The following CSNK1G1 variants were observed in gnomAD, a reference collection of about 807,000 sequenced individuals.
CSNK1G1 encodes the protein casein kinase I isoform gamma-1.
Under a neutral mutation model 59.6 loss-of-function variants are expected in CSNK1G1, and 22 were observed. That is an observed-to-expected ratio of 0.37 (90% CI 0.26 to 0.53). The LOEUF (loss-of-function observed/expected upper bound fraction) is 0.53, where lower values mean the gene tolerates loss of function less well. Ranked by LOEUF, CSNK1G1 falls within the 20% of genes least tolerant of loss-of-function variation. The pLI is 0.89. For synonymous variants in CSNK1G1, 179 were observed against 177.1 expected, an observed-to-expected ratio of 1.01 and a Z score of -0.08; for missense variants, 384 against 519.5, an observed-to-expected ratio of 0.74 and a Z score of 2.54.
intron 1 of CSNK1G1, among the ~76,000 whole-genome samples, chr15:64,305,646 G>A (rs1331477457): frequency 4.0e-5 from 6 of 149,306 alleles, no homozygotes; most frequent in African/African-American, 1.5e-4. Context: ...TTGAGCCCAG[G>A]AGTTCAAGGT....
chr15:64,293,302 T>C (rs1265750912), intron 2 of CSNK1G1, among the ~76,000 whole-genome samples: 1 of 152,128 alleles, frequency 6.6e-6, no homozygotes, highest in African/African-American at 2.4e-5. Context: ...CCATTGAAAA[T>C]GAGCAAAGGC....
intron 4 of CSNK1G1, among the ~76,000 whole-genome samples, chr15:64,219,654 C>T (rs576891569): frequency 5.1e-4 from 78 of 152,028 alleles, no homozygotes; most frequent in Admixed American, 3.1e-3. Flanking sequence ...GAGATGAGCT[C>T]CCACTATGTT....
intron 2 of CSNK1G1, among the ~76,000 whole-genome samples, chr15:64,282,279 T>G (rs1894184963): frequency 6.6e-6 from 1 of 152,046 alleles, no homozygotes; most frequent in African/African-American, 2.4e-5. Flanking sequence ...TATTTTTTAT[T>G]TTTTTGAGAC....
rs150360354 is a variant in CSNK1G1 at position 64,309,507 on chromosome 15, C to A, written c.-224-8784G>T. Among the ~76,000 whole-genome samples, 703 of 152,106 alleles carry A rather than the reference C, an allele frequency of 4.6e-3. 7 individuals carry two copies. Among genetic ancestry groups the A allele is most frequent in the African/African-American group, 0.015 (624 of 41,492 alleles). ...ATGACTATAGTACCTGTCACAAGTA[C>A]CCTGCAAATAAAATGGTGAATGTGA... On this transcript the variant is annotated intron_variant, in intron 1 of 11. Transcript: ENST00000303052.
At chr15:64,245,593 C>G (rs1891707529) in intron 4 of CSNK1G1, among the ~76,000 whole-genome samples, 1 of 151,876 alleles carries the variant, frequency 6.6e-6, no homozygotes, top group African/African-American at 2.4e-5. Flanking sequence ...AAATGTGGTA[C>G]ATATACACAC....
At chr15:64,278,231 G>A (rs1166521852) in intron 2 of CSNK1G1, among the ~76,000 whole-genome samples, 1 of 150,972 alleles carries the variant, frequency 6.6e-6, no homozygotes, top group African/African-American at 2.4e-5. Context: ...ATTTTTAGTA[G>A]AGACAGGGTT....
Position 64,171,792 on chromosome 15 carries a change from G to C in CSNK1G1, c.*139C>G. On this transcript the variant is annotated 3_prime_UTR_variant, in exon 12 of 12. Coordinates refer to ENST00000303052, the MANE Select transcript of CSNK1G1 (RefSeq NM_022048.5). The surrounding 1 kb of genome is among the most constrained non-coding windows in gnomAD (Gnocchi z 4.8). ...CTGGCTGCCCGCACTGGCCCCTTCT[G>C]GGGGCATCTGTTTTCTTCTTTTTGG... 2.6e-6 allele frequency: 2 copies of C among 776,824 alleles called. No individual in the cohort carries two copies. The highest frequency in any genetic ancestry group is 4.4e-6 in the Non-Finnish European group (2 of 450,344). The allele number at this position is 776,824 out of a possible 1,614,324, so 48.1% of individuals were successfully genotyped here.
chr15:64,223,010 G>A (rs1292412093), intron 4 of CSNK1G1, among the ~76,000 whole-genome samples: 2 of 152,088 alleles, frequency 1.3e-5, no homozygotes, highest in African/African-American at 4.8e-5. Flanking sequence ...ATATACCTTT[G>A]AGCATAAAAG....
At chr15:64,198,197 T>C in intron 10 of CSNK1G1, among the ~76,000 whole-genome samples, 1 of 145,292 alleles carries the variant, frequency 6.9e-6, no homozygotes, top group Non-Finnish European at 1.5e-5. Context: ...ATATACTTTT[T>C]TTTTTTTTTT....
intron 1 of CSNK1G1, among the ~76,000 whole-genome samples, chr15:64,308,791 G>T (rs1039713786): frequency 6.6e-6 from 1 of 151,994 alleles, no homozygotes; most frequent in African/African-American, 2.4e-5. Context: ...CAGCTACTCG[G>T]GAAGCTGAGG....
chr15:64,234,749 G>C (rs1337726175), intron 4 of CSNK1G1, among the ~76,000 whole-genome samples: 1 of 152,026 alleles, frequency 6.6e-6, no homozygotes, highest in Non-Finnish European at 1.5e-5. Context: ...TTTTCTCCCA[G>C]CTCTTAAACC....
chr15:64,348,172 G>A (rs1308574225), intron 1 of CSNK1G1, among the ~76,000 whole-genome samples: 1 of 152,276 alleles, frequency 6.6e-6, no homozygotes, highest in Admixed American at 6.5e-5. Context: ...TCAGGCAGGA[G>A]AGGAGGGATG....
At chr15:64,235,157 T>C (rs1033192437) in intron 4 of CSNK1G1, among the ~76,000 whole-genome samples, 1 of 152,140 alleles carries the variant, frequency 6.6e-6, no homozygotes, top group Non-Finnish European at 1.5e-5. Flanking sequence ...ATCCAAGTGT[T>C]TTGTTCTAAT....
intron 7 of CSNK1G1, among the ~76,000 whole-genome samples, chr15:64,205,814 T>C (rs2082171274): frequency 6.6e-6 from 1 of 152,142 alleles, no homozygotes; most frequent in Admixed American, 6.5e-5. Context: ...AAGATGTATA[T>C]GACAGGAGAG....
At position 64,188,518 on chromosome 15, in the gene CSNK1G1, T is replaced by C. The variant is rs1461269835; in HGVS notation, c.1108-8064A>G. On this transcript the variant is annotated intron_variant, in intron 10 of 11. Coordinates refer to ENST00000303052, the MANE Select transcript of CSNK1G1 (RefSeq NM_022048.5). The surrounding 1 kb of genome is among the most constrained non-coding windows in gnomAD (Gnocchi z 4.2). ...GGCGTTAGAAAGCATGAGAGCAAGA[T>C]ATGGAAGGAAAGGTGAAGCAACAGC... 2.0e-6 allele frequency: 3 copies of C among 1,470,130 alleles called. No homozygotes were observed. Among genetic ancestry groups the C allele is most frequent in the South Asian group, 2.4e-5 (2 of 82,126 alleles). 91.1% of individuals were successfully genotyped at this position (1,470,130 alleles called of 1,614,324 possible). A position where few individuals can be genotyped will look rare whatever the true frequency, so the allele number is the denominator to read the frequency against.
intron 4 of CSNK1G1, among the ~76,000 whole-genome samples, chr15:64,225,006 C>CTTTT (rs750533422): frequency 3.0e-4 from 36 of 121,860 alleles, no homozygotes; most frequent in East Asian, 1.2e-3. Flanking sequence ...ATACACTTTT[C>CTTTT]TTTTTTTTTT....
intron 5 of CSNK1G1, among the ~76,000 whole-genome samples, chr15:64,215,987 T>C (rs111623761): frequency 0.08 from 12,143 of 152,162 alleles, 670 homozygotes; most frequent in Non-Finnish European, 0.12. Context: ...TCCTAGCACA[T>C]TGGGAGGCCG....
At chr15:64,267,895 A>G (rs1403313478) in intron 2 of CSNK1G1, among the ~76,000 whole-genome samples, 1 of 152,200 alleles carries the variant, frequency 6.6e-6, no homozygotes, top group Non-Finnish European at 1.5e-5. Context: ...TGAGAGGATC[A>G]CTTGAGCCCA....
At chr15:64,309,406 TA>T (rs1895871907) in intron 1 of CSNK1G1, among the ~76,000 whole-genome samples, 1 of 151,182 alleles carries the variant, frequency 6.6e-6, no homozygotes, top group Non-Finnish European at 1.5e-5. Flanking sequence ...CTCACAAGGC[TA>T]AAAAAATCCA....
Sources: allele counts gnomAD v4.1 joint callset (sites outside exome capture counted in the v4.1 genomes callset), GRCh38; gene constraint gnomAD v4.1.1; non-coding constraint Gnocchi (gnomAD v3.1); transcripts MANE v1.5; gene names NCBI Gene and HGNC (gene_info 2026-07-23, HGNC 2026-07-21).